Variants in PWWP3A observed in about 807,000 individuals in gnomAD.
PWWP3A encodes the protein PWWP domain-containing DNA repair factor 3A.
In PWWP3A, 53 loss-of-function variants were observed where a neutral mutation model predicts 79.0. That is an observed-to-expected ratio of 0.67 (90% CI 0.54 to 0.84). The LOEUF is 0.84. Ranked by LOEUF, PWWP3A falls within the 40% of genes least tolerant of loss-of-function variation. The probability of loss-of-function intolerance (pLI) is 0.00; values close to 1 mark genes in which losing one functional copy is unlikely to be tolerated. For synonymous variants in PWWP3A, 443 were observed against 394.4 expected (o/e 1.12, Z -1.46); for missense variants, 973 against 948.0 (o/e 1.03, Z -0.35).
rs147128378 is a variant in PWWP3A at position 1,360,707 on chromosome 19, C to T, written c.786C>T (p.Asp262=). The change falls in exon 5 of 14, where the codon GAC becomes GAT. Residue 262 remains aspartate (D), a synonymous_variant. Transcript: ENST00000591337. The surrounding 1 kb of genome is among the most constrained non-coding windows in gnomAD (Gnocchi z 4.4). ...CCTTGCCCTCCGGGGTCAGGGAGGA[C>T]GATCCCTGTGCCAACGCTGAGGGAC... is the stretch of plus-strand genomic sequence containing the variant. ...APSLPSGVRE[D]DPCANAEGHD... The T allele has an allele frequency of 2.5e-4, 409 of 1,613,448 alleles. 3 individuals are homozygous for T. The East Asian group carries it at 7.7e-3, about 30-fold the overall frequency.
At position 1,370,856 on chromosome 19, in the gene PWWP3A, CCT is replaced by C. The variant is rs2082241230; in HGVS notation, c.1765_1766del (p.Leu589AlafsTer33). 8 of 1,564,118 alleles carry C rather than the reference CCT, an allele frequency of 5.1e-6. No homozygotes were observed. Among genetic ancestry groups the C allele is most frequent in the Non-Finnish European group, 6.9e-6 (8 of 1,154,132 alleles). On this transcript the variant is annotated frameshift_variant, in exon 12 of 14. Transcript: ENST00000591337. LOFTEE classifies it high-confidence loss of function. ...TGAAGGCCAAGGGCGCGGAGAGCCA[CCT>C]GCGGGCCATCCTAAAGAGCAGGAAG... ...IVKAKGAESH[L>X]RAILKSRKPS...
At chr19:1,375,783 T>G (rs1487253387) in intron 13 of PWWP3A, among the ~76,000 whole-genome samples, 1 of 132,072 alleles carries the variant, frequency 7.6e-6, no homozygotes, top group African/African-American at 2.9e-5. Flanking sequence ...TATGTAGACA[T>G]ACACACACAC....
At position 1,376,752 on chromosome 19, in the gene PWWP3A, T is replaced by A; in HGVS notation, c.*176T>A. The stretch of plus-strand genomic sequence containing the variant: ...TCTGGAGAATCCATTTCGTTAACAC[T>A]GAAAGCCAGTTCTCTTTTCCTGGCA... On this transcript the variant is annotated 3_prime_UTR_variant, in exon 14 of 14. Coordinates refer to ENST00000591337, the MANE Select transcript of PWWP3A (RefSeq NM_001369789.1). 1 of 507,326 alleles carries A rather than the reference T, an allele frequency of 2.0e-6. No homozygotes were observed. The highest frequency in any genetic ancestry group is 3.5e-6 in the Non-Finnish European group (1 of 286,176). 31.4% of individuals were successfully genotyped at this position (507,326 alleles called of 1,614,324 possible).
In PWWP3A at chr19:1,356,486, A is replaced by G. The variant is rs546359209; in HGVS notation, c.57+37A>G. 55 of 1,605,174 alleles carry G rather than the reference A, an allele frequency of 3.4e-5. No homozygotes were observed. The South Asian group carries it at 5.9e-4, about 17-fold the overall frequency. On this transcript the variant is annotated intron_variant, in intron 2 of 13. Transcript: ENST00000591337. ...TATTCTGTAACTTCAGGACTTAGAA[A>G]TGACTTTCGGGTGACAAGTAAAATC...
At chr19:1,361,234 C>G (rs2082008508) in intron 5 of PWWP3A, among the ~76,000 whole-genome samples, 1 of 152,204 alleles carries the variant, frequency 6.6e-6, no homozygotes, top group Non-Finnish European at 1.5e-5. Context: ...AAATATTTGT[C>G]TTCTTATTTT....
Position 1,374,650 on chromosome 19 carries a change from A to G in PWWP3A, c.2075+1490A>G, listed in dbSNP as rs973774401. 7.2e-5 allele frequency among the ~76,000 whole-genome samples: 11 copies of G among 152,160 alleles called. 1 individual carries two copies. The highest frequency in any genetic ancestry group is 7.2e-4 in the Admixed American group (11 of 15,274). On this transcript the variant is annotated intron_variant, in intron 13 of 13. Coordinates refer to ENST00000591337, the MANE Select transcript of PWWP3A (RefSeq NM_001369789.1). ...ATCTCTTTTGATCCAGGGCAGCCCT[A>G]TTGCTGAGAGGGGTTGCTAGCTAAG...
intron 6 of PWWP3A, among the ~76,000 whole-genome samples, chr19:1,363,457 A>G (rs2082063800): frequency 6.6e-6 from 1 of 152,146 alleles, no homozygotes; most frequent in African/African-American, 2.4e-5. Flanking sequence ...GGGGACTTCC[A>G]GGAAATCATT....
chr19:1,362,575 C>T (rs144627815), intron 6 of PWWP3A, among the ~76,000 whole-genome samples: 30 of 152,226 alleles, frequency 2.0e-4, no homozygotes, highest in African/African-American at 6.8e-4. Flanking sequence ...TGGGAAGAGA[C>T]GGCCCAGCCC....
chr19:1,367,122 G>A (rs370870197), intron 8 of PWWP3A, 38 bp from the exon 9 acceptor site: 14 of 1,552,530 alleles, frequency 9.0e-6, no homozygotes, highest in African/African-American at 2.7e-5. Flanking sequence ...ATTAGAGGAA[G>A]TTCATTCATG....
At position 1,369,179 on chromosome 19, in the gene PWWP3A, C is replaced by T; in HGVS notation, c.1423-86C>T. The T allele has an allele frequency of 7.9e-7, 1 of 1,265,038 alleles. No homozygotes were observed. The highest frequency in any genetic ancestry group is 1.1e-6 in the Non-Finnish European group (1 of 875,760). 78.4% of individuals were successfully genotyped at this position (1,265,038 alleles called of 1,614,324 possible). ...GAGCGTGAGCAGCCTGGACACCTGG[C>T]TGGTCCCTGGGCTCTGCGTGGCTTC... On this transcript the variant is annotated intron_variant, in intron 9 of 13. Coordinates refer to ENST00000591337, the MANE Select transcript of PWWP3A (RefSeq NM_001369789.1). This position sits in a 1 kb window ranked among gnomAD's most constrained non-coding sequence, Gnocchi z 4.0.
chr19:1,370,547 C>T, intron 11 of PWWP3A, 95 bp from the exon 12 acceptor site: 3 of 1,167,620 alleles, frequency 2.6e-6, no homozygotes, highest in South Asian at 3.6e-5. Flanking sequence ...CTGCCCCCAT[C>T]CCTGCCATGT....
intron 12 of PWWP3A, chr19:1,372,133 C>T (rs2668427): frequency 0.73 from 110,942 of 151,944 alleles, 40,748 homozygotes; most frequent in Middle Eastern, 0.83. Context: ...ATAAATACTT[C>T]AGTGTGTGTC....
chr19:1,358,857 C>T, intron 4 of PWWP3A: 1 of 445,132 alleles, frequency 2.2e-6, no homozygotes, highest in East Asian at 6.7e-5. Context: ...CTGGTCTCAG[C>T]CCAAGGTTTG....
At chr19:1,370,024 G>GT (rs2144749301) in intron 11 of PWWP3A, among the ~76,000 whole-genome samples, 1 of 152,344 alleles carries the variant, frequency 6.6e-6, no homozygotes, top group African/African-American at 2.4e-5. Flanking sequence ...GAGGCCAGGA[G>GT]TTCAAGACTA....
Position 1,373,528 on chromosome 19 carries a change from A to G in PWWP3A, c.2075+368A>G, listed in dbSNP as rs2082305529. Reference sequence around the variant, plus strand: ...AAATACAGCAAGATTAAGCAGCAGCACGGCCCGGTGCTTTCCAGCAGCCAG... The same window carrying G: ...AAATACAGCAAGATTAAGCAGCAGCGCGGCCCGGTGCTTTCCAGCAGCCAG... On this transcript the variant is annotated intron_variant, in intron 13 of 13. Transcript: ENST00000591337. 1.3e-5 allele frequency: 3 copies of G among 238,140 alleles called. 1 individual carries two copies. In the South Asian group the frequency reaches 2.0e-4, roughly 16 times the overall value. The allele number at this position is 238,140 out of a possible 1,614,324, so 14.8% of individuals were successfully genotyped here.
chr19:1,360,528 G>A lies in PWWP3A; in HGVS notation c.607G>A (p.Gly203Arg), dbSNP rs138968050. ...PAGGGAQDES[G>R]SRIHHKNWTL... ...TGGAGGTGGTGCCCAAGATGAGAGT[G>A]GGTCCAGAATCCACCACAAAAATTG... Residue 203 changes from glycine to arginine, a missense_variant, in exon 5 of 14, where the codon GGG becomes AGG. Gly to Arg is a moderately radical substitution (Grantham distance 125). Coordinates refer to ENST00000591337, the MANE Select transcript of PWWP3A (RefSeq NM_001369789.1). The surrounding 1 kb of genome is among the most constrained non-coding windows in gnomAD (Gnocchi z 4.4). 9 of 1,614,098 alleles carry A rather than the reference G, an allele frequency of 5.6e-6. No homozygotes were observed. In the African/African-American group the frequency reaches 9.3e-5, roughly 17 times the overall value.
rs1486923493 is a variant in PWWP3A, at chr19:1,355,086, G to C, written c.-119G>C. ...GTCCTCCGCTGTTGCGGCCGCTGCG[G>C]CCTCCTTGCCCGGGCTTGGGGCGCC... On this transcript the variant is annotated 5_prime_UTR_variant, in exon 1 of 14. Coordinates refer to ENST00000591337, the MANE Select transcript of PWWP3A (RefSeq NM_001369789.1). 1 of 151,942 alleles carries C rather than the reference G, an allele frequency of 6.6e-6. No individual in the cohort carries two copies. The highest frequency in any genetic ancestry group is 1.5e-5 in the Non-Finnish European group (1 of 67,696). The allele number at this position is 151,942 out of a possible 1,614,324, so 9.4% of individuals were successfully genotyped here.
At chr19:1,375,434 T>C (rs2082345114) in intron 13 of PWWP3A, among the ~76,000 whole-genome samples, 1 of 57,262 alleles carries the variant, frequency 1.7e-5, no homozygotes, top group Non-Finnish European at 3.7e-5. Context: ...AAAATATATA[T>C]AGCCATATAT....
chr19:1,374,485 TAG>T (rs1568962727), intron 13 of PWWP3A: 2 of 152,250 alleles, frequency 1.3e-5, no homozygotes, highest in African/African-American at 4.8e-5. Context: ...CTTGTTCTTT[TAG>T]AGTTGCACCA....
Sources: gnomAD v4.1 joint callset for allele counts (sites outside exome capture counted in the v4.1 genomes callset) on GRCh38, gnomAD v4.1.1 for gene constraint, Gnocchi (gnomAD v3.1) non-coding constraint, MANE v1.5 for transcripts, NCBI Gene and HGNC (gene_info 2026-07-23, HGNC 2026-07-21) for gene names.